Variants in PID1 observed in about 807,000 individuals in gnomAD.
PID1 encodes the protein PTB-containing, cubilin and LRP1-interacting protein.
A neutral mutation model predicts 19.1 loss-of-function variants in PID1; 10 were observed. The observed-to-expected ratio is 0.52, with a 90% CI of 0.32 to 0.89. The LOEUF is 0.89. Among genes scored for constraint, PID1 ranks in the 40% least tolerant of loss-of-function variants. PID1 has a pLI of 0.03. For missense variants in PID1, 248 were observed against 285.3 expected, an observed-to-expected ratio of 0.87 and a Z score of 0.94; for synonymous variants, 130 against 116.0, an observed-to-expected ratio of 1.12 and a Z score of -0.78.
rs1350171202 is a variant in PID1 at position 229,139,105 on chromosome 2, A to G, written c.177+16713T>C. ...AAAGAAAGAAAGAAAGAAAGAAAGA[A>G]AGAAAGAAAGAGAAAGAAAGAAAGA... On this transcript the variant is annotated intron_variant, in intron 2 of 2. Transcript: ENST00000392055. 5.9e-3 allele frequency among the ~76,000 whole-genome samples: 399 copies of G among 68,042 alleles called. 44 individuals are homozygous for G. The highest frequency in any genetic ancestry group is 0.027 in the African/African-American group (378 of 14,194). 44.6% of individuals were successfully genotyped at this position (68,042 alleles called of 152,430 possible). A position where few individuals can be genotyped will look rare whatever the true frequency, so the allele number is the denominator to read the frequency against.
chr2:229,122,972 A>C (rs952890017), intron 2 of PID1, among the ~76,000 whole-genome samples: 2 of 152,170 alleles, frequency 1.3e-5, no homozygotes, highest in African/African-American at 4.8e-5. Context: ...AGCTGAGTGA[A>C]ATCTACCTTA....
intron 2 of PID1, among the ~76,000 whole-genome samples, chr2:229,113,867 G>A (rs915922813): frequency 2.2e-4 from 33 of 152,168 alleles, no homozygotes; most frequent in African/African-American, 8.0e-4. Context: ...CTTTATTCTA[G>A]ATGTTTCTGT....
chr2:229,099,654 C>T (rs776965949), intron 2 of PID1, among the ~76,000 whole-genome samples: 9 of 152,046 alleles, frequency 5.9e-5, no homozygotes, highest in Non-Finnish European at 1.3e-4. Context: ...CTAAGAGGTA[C>T]ACCATGTGAC....
At chr2:229,238,694 G>A (rs988903922) in intron 1 of PID1, among the ~76,000 whole-genome samples, 1 of 151,948 alleles carries the variant, frequency 6.6e-6, no homozygotes, top group Admixed American at 6.6e-5. Context: ...AAAAAGAAAC[G>A]AGTAAGTCTC....
chr2:229,243,239 T>C (rs751278741), intron 1 of PID1, among the ~76,000 whole-genome samples: 1 of 152,070 alleles, frequency 6.6e-6, no homozygotes, highest in Non-Finnish European at 1.5e-5. Flanking sequence ...GAGAACAGCA[T>C]GGGAAAGACT....
intron 1 of PID1, among the ~76,000 whole-genome samples, chr2:229,233,897 A>G (rs922232090): frequency 3.3e-5 from 5 of 152,228 alleles, no homozygotes. Context: ...ATCAACAAAC[A>G]TTTATTATTT....
rs530596173 is a variant in PID1, at chr2:229,192,013, T to C, written c.31-36049A>G. 1.4e-4 allele frequency among the ~76,000 whole-genome samples: 22 copies of C among 152,302 alleles called. No homozygotes were observed. The South Asian group carries it at 4.4e-3, about 30-fold the overall frequency. ...CTAATTTATTTTATTCCTTCCTTCC[T>C]TCCTTCTTTTTTAAGTGATAATGAA... On this transcript the variant is annotated intron_variant, in intron 1 of 2. Coordinates refer to ENST00000392055, the MANE Select transcript of PID1 (RefSeq NM_001100818.2).
chr2:229,270,899 G>C (rs561818104), intron 1 of PID1, 115 bp downstream of exon 1: 8 of 887,472 alleles, frequency 9.0e-6, no homozygotes, highest in Non-Finnish European at 1.3e-5. Context: ...CCATCGATGC[G>C]TCTTACAAGA....
chr2:229,194,693 C>T (rs147560451), intron 1 of PID1, among the ~76,000 whole-genome samples: 1,947 of 151,920 alleles, frequency 0.013, 46 homozygotes, highest in African/African-American at 0.045. Context: ...ATACATATAA[C>T]AGAATGCAAT....
At chr2:229,160,846 C>A (rs1312303728) in intron 1 of PID1, among the ~76,000 whole-genome samples, 2 of 152,128 alleles carry the variant, frequency 1.3e-5, no homozygotes, top group Non-Finnish European at 2.9e-5. Flanking sequence ...AAGAATACAT[C>A]TTCCTATGGC....
chr2:229,094,963 T>C (rs576299041), intron 2 of PID1, among the ~76,000 whole-genome samples: 1 of 152,308 alleles, frequency 6.6e-6, no homozygotes, highest in East Asian at 1.9e-4. Flanking sequence ...ATACGTTACA[T>C]GTATTATCCC....
intron 1 of PID1, among the ~76,000 whole-genome samples, chr2:229,240,793 T>C (rs1431521891): frequency 6.6e-6 from 1 of 152,176 alleles, no homozygotes; most frequent in Non-Finnish European, 1.5e-5. Flanking sequence ...TTTGTTAAAA[T>C]ATTGTTTCAT....
At chr2:229,078,367 T>C (rs753391182) in intron 2 of PID1, among the ~76,000 whole-genome samples, 6 of 152,210 alleles carry the variant, frequency 3.9e-5, no homozygotes, top group Non-Finnish European at 8.8e-5. Context: ...ACTTCTTCTC[T>C]TCCTATTTGA....
intron 1 of PID1, among the ~76,000 whole-genome samples, chr2:229,264,360 G>A (rs967146477): frequency 2.6e-5 from 4 of 151,978 alleles, no homozygotes; most frequent in South Asian, 2.1e-4. Context: ...GGAGACCACC[G>A]CCTGGCAGAA....
intron 2 of PID1, among the ~76,000 whole-genome samples, chr2:229,135,055 A>T (rs913988856): frequency 6.6e-6 from 1 of 152,212 alleles, no homozygotes; most frequent in African/African-American, 2.4e-5. Flanking sequence ...AGGCAAAAAT[A>T]AGAGGAGATG....
At chr2:229,093,118 C>A (rs1031825208) in intron 2 of PID1, among the ~76,000 whole-genome samples, 2 of 135,382 alleles carry the variant, frequency 1.5e-5, no homozygotes, top group African/African-American at 5.3e-5. Flanking sequence ...CTGGTCTGGT[C>A]TTTCTTTCTT....
chr2:229,061,579 C>T (rs555251073), intron 2 of PID1, among the ~76,000 whole-genome samples: 105 of 151,780 alleles, frequency 6.9e-4, no homozygotes, highest in African/African-American at 2.1e-3. Context: ...AGATTGCTTT[C>T]ACTATTTGGG....
At chr2:229,154,936 T>A (rs1309472538) in intron 2 of PID1, among the ~76,000 whole-genome samples, 1 of 152,196 alleles carries the variant, frequency 6.6e-6, no homozygotes, top group African/African-American at 2.4e-5. Context: ...CTTACCAAAA[T>A]TATACATTTC....
intron 2 of PID1, among the ~76,000 whole-genome samples, chr2:229,077,308 C>A (rs533092105): frequency 1.3e-5 from 2 of 152,164 alleles, no homozygotes; most frequent in South Asian, 2.1e-4. Flanking sequence ...GGATAGATTG[C>A]AAAAATTTTC....
Sources: gnomAD v4.1 joint callset for allele counts (sites outside exome capture counted in the v4.1 genomes callset) on GRCh38, gnomAD v4.1.1 for gene constraint, MANE v1.5 for transcripts, NCBI Gene and HGNC (gene_info 2026-07-23, HGNC 2026-07-21) for gene names.